The following UBE4B variants were observed in gnomAD, a reference collection of about 807,000 sequenced individuals.
The protein encoded by UBE4B is ubiquitination factor E4B, also known as ubiquitin conjugation factor E4 B.
In UBE4B, 27 loss-of-function variants were observed where a neutral mutation model predicts 148.1. The observed-to-expected ratio is 0.18, with a 90% CI of 0.13 to 0.25. The LOEUF (loss-of-function observed/expected upper bound fraction) is 0.25. Ranked by LOEUF, UBE4B falls within the 10% of genes least tolerant of loss-of-function variation. UBE4B has a pLI of 1.00. For missense variants in UBE4B, 1,170 were observed against 1,662.4 expected, an observed-to-expected ratio of 0.70 and a Z score of 5.15; for synonymous variants, 596 against 619.3, an observed-to-expected ratio of 0.96 and a Z score of 0.56.
intron 21 of UBE4B, among the ~76,000 whole-genome samples, chr1:10,154,037 G>C (rs1023121369): frequency 6.6e-6 from 1 of 151,774 alleles, no homozygotes; most frequent in African/African-American, 2.4e-5. Context: ...AGCCAAGATC[G>C]CGCCATTGTA....
intron 3 of UBE4B, among the ~76,000 whole-genome samples, chr1:10,099,572 A>C (rs548320943): frequency 6.0e-4 from 92 of 152,300 alleles, no homozygotes; most frequent in African/African-American, 2.1e-3. Flanking sequence ...GAGTGAAAAA[A>C]ATTTTGGTCA....
At chr1:10,061,136 C>T (rs527760541) in intron 1 of UBE4B, among the ~76,000 whole-genome samples, 3 of 152,212 alleles carry the variant, frequency 2.0e-5, no homozygotes, top group Non-Finnish European at 4.4e-5. Context: ...TGCAAACCTA[C>T]GGCATACTTA....
In UBE4B at chr1:10,121,976, C is replaced by T. The variant is rs756393620; in HGVS notation, c.1454C>T (p.Pro485Leu). ...SLTQPRSLQQ[P>L]SFLVPYMLCR... The stretch of plus-strand genomic sequence containing the variant: ...TGGGTCCACAGGTCCTTGCAGCAGC[C>T]GTCCTTCCTAGTGCCGTATATGCTG... Residue 485 changes from proline (P) to leucine (L), a missense_variant, in exon 10 of 28, where the codon CCG (proline) becomes CTG (leucine). Coordinates refer to ENST00000343090, the MANE Select transcript of UBE4B (RefSeq NM_001105562.3). The T allele has an allele frequency of 3.7e-6, 6 of 1,612,306 alleles. No individual in the cohort carries two copies. Among genetic ancestry groups the T allele is most frequent in the East Asian group, 2.2e-5 (1 of 44,830 alleles).
At chr1:10,056,138 A>G (rs1369800853) in intron 1 of UBE4B, among the ~76,000 whole-genome samples, 1 of 152,070 alleles carries the variant, frequency 6.6e-6, no homozygotes, top group Non-Finnish European at 1.5e-5. Context: ...ATTATTCTAC[A>G]CTCAGCATGT....
At chr1:10,042,319 T>C (rs1283697994) in intron 1 of UBE4B, among the ~76,000 whole-genome samples, 1 of 152,176 alleles carries the variant, frequency 6.6e-6, no homozygotes, top group Non-Finnish European at 1.5e-5. Flanking sequence ...CAAACGTTGC[T>C]GTATGGAGCT....
intron 1 of UBE4B, among the ~76,000 whole-genome samples, chr1:10,063,249 TAGAG>T (rs1363977261): frequency 1.2e-4 from 19 of 152,084 alleles, no homozygotes; most frequent in Non-Finnish European, 8.8e-5. Flanking sequence ...GCCTGGGTGA[TAGAG>T]AGTGAGACCC....
At position 10,106,722 on chromosome 1, in the gene UBE4B, T is replaced by C. The variant is rs984409627; in HGVS notation, c.1196+139T>C. ...TATTAACCTGTGTGGCTAACTAGTT[T>C]GGTAGGCACGTACTCTGAGTCCATG... On this transcript the variant is annotated intron_variant, in intron 7 of 27. Transcript: ENST00000343090. This position sits in a 1 kb window ranked among gnomAD's most constrained non-coding sequence, Gnocchi z 4.2. 4.3e-6 allele frequency: 5 copies of C among 1,174,340 alleles called. 1 individual carries two copies. In the South Asian group the frequency reaches 7.3e-5, roughly 17 times the overall value. The allele number at this position is 1,174,340 out of a possible 1,614,324, so 72.7% of individuals were successfully genotyped here.
At chr1:10,112,592 A>G (rs11808311) in intron 7 of UBE4B, among the ~76,000 whole-genome samples, 13,401 of 151,930 alleles carry the variant, frequency 0.088, 1,255 homozygotes, top group African/African-American at 0.24. Flanking sequence ...TAGAGACAGG[A>G]TTTTATCACA....
intron 1 of UBE4B, among the ~76,000 whole-genome samples, chr1:10,049,120 T>TA (rs1251648102): frequency 6.6e-6 from 1 of 152,194 alleles, no homozygotes; most frequent in African/African-American, 2.4e-5. Context: ...CTTAAAAAAA[T>TA]AGTTGAGTGG....
Position 10,163,993 on chromosome 1 carries a change from C to T in UBE4B, c.3198+2707C>T, listed in dbSNP as rs370726035. Among the ~76,000 whole-genome samples, 60 of 151,170 alleles carry T rather than the reference C, an allele frequency of 4.0e-4. No homozygotes were observed. The East Asian group carries it at 4.7e-3, about 12-fold the overall frequency. On this transcript the variant is annotated intron_variant, in intron 23 of 27. Coordinates refer to ENST00000343090, the MANE Select transcript of UBE4B (RefSeq NM_001105562.3). ...CCACCCACCTCAGCCTCCCAAAGTGCGGGGGTTACAGACATGAGCCACCAT... is the reference window on the plus strand; with the variant it reads ...CCACCCACCTCAGCCTCCCAAAGTGTGGGGGTTACAGACATGAGCCACCAT...
chr1:10,038,811 T>C (rs1643647463), intron 1 of UBE4B, among the ~76,000 whole-genome samples: 1 of 151,886 alleles, frequency 6.6e-6, no homozygotes. Context: ...AATTTGGGAG[T>C]TGGGGCCGGG....
chr1:10,068,690 T>C (rs1644432589), intron 1 of UBE4B, among the ~76,000 whole-genome samples: 1 of 152,206 alleles, frequency 6.6e-6, no homozygotes, highest in Admixed American at 6.5e-5. Context: ...TTCTCCATGT[T>C]GCCCAGGCTG....
At position 10,174,532 on chromosome 1, in the gene UBE4B, T is replaced by A. The variant is rs539647124; in HGVS notation, c.3525+3203T>A. On this transcript the variant is annotated intron_variant, in intron 25 of 27. Coordinates refer to ENST00000343090, the MANE Select transcript of UBE4B (RefSeq NM_001105562.3). ...CCTGGCTAACATGGTGAAACCCTGT[T>A]TCTACTAAAAATACAAAAAATTAGC... 9.3e-4 allele frequency among the ~76,000 whole-genome samples: 141 copies of A among 150,944 alleles called. 1 individual carries two copies. The highest frequency in any genetic ancestry group is 2.9e-3 in the African/African-American group (118 of 41,126).
intron 25 of UBE4B, among the ~76,000 whole-genome samples, chr1:10,173,045 A>G (rs963533762): frequency 2.0e-5 from 3 of 152,188 alleles, no homozygotes; most frequent in Non-Finnish European, 4.4e-5. Flanking sequence ...AGTAAATTCT[A>G]TGATGTTTAC....
At chr1:10,166,941 T>TCACACA (rs559608777) in intron 23 of UBE4B, among the ~76,000 whole-genome samples, 53 of 131,386 alleles carry the variant, frequency 4.0e-4, no homozygotes, top group Non-Finnish European at 8.1e-4. Flanking sequence ...AATAAATAAA[T>TCACACA]CACACACACA....
chr1:10,127,259 GA>G (rs944194288), intron 11 of UBE4B, among the ~76,000 whole-genome samples: 33 of 151,640 alleles, frequency 2.2e-4, no homozygotes, highest in Admixed American at 1.7e-3. Flanking sequence ...TACATACTAA[GA>G]AAATGAATAC....
At chr1:10,095,291 A>G (rs182772836) in intron 2 of UBE4B, among the ~76,000 whole-genome samples, 170 bp from the exon 3 acceptor site, 2 of 152,232 alleles carry the variant, frequency 1.3e-5, no homozygotes, top group East Asian at 3.9e-4. Flanking sequence ...TAATGTTCCT[A>G]TGATTTTATT....
At chr1:10,155,084 A>AGTGT (rs144718535) in intron 21 of UBE4B, among the ~76,000 whole-genome samples, 1,584 of 146,274 alleles carry the variant, frequency 0.011, 12 homozygotes, top group African/African-American at 0.026. Flanking sequence ...AGAGAGAGAG[A>AGTGT]GTGTGTGTGT....
chr1:10,089,006 C>A (rs1051025862), intron 2 of UBE4B, among the ~76,000 whole-genome samples: 5 of 152,024 alleles, frequency 3.3e-5, no homozygotes, highest in Non-Finnish European at 7.4e-5. Context: ...GTCACAAGAA[C>A]AAAATGTTTT....
Sources: gnomAD v4.1 joint callset for allele counts (sites outside exome capture counted in the v4.1 genomes callset) on GRCh38, gnomAD v4.1.1 for gene constraint, Gnocchi (gnomAD v3.1) non-coding constraint, MANE v1.5 for transcripts, NCBI Gene and HGNC (gene_info 2026-07-23, HGNC 2026-07-21) for gene names.